The following DENND1B variants were observed in gnomAD, a reference collection of about 807,000 sequenced individuals.
The protein encoded by DENND1B is DENN domain containing 1B, also known as DENN domain-containing protein 1B.
A neutral mutation model predicts 90.1 loss-of-function variants in DENND1B; 59 were observed. The ratio of observed to expected loss-of-function variants is 0.65; its 90% CI spans 0.53 to 0.81. The LOEUF (loss-of-function observed/expected upper bound fraction) is 0.81, where lower values mean the gene tolerates loss of function less well. DENND1B is among the 40% of genes least tolerant of loss of function. The probability of loss-of-function intolerance (pLI) is 0.00; values close to 1 mark genes in which losing one functional copy is unlikely to be tolerated. For synonymous variants in DENND1B, 337 were observed against 324.6 expected (o/e 1.04, Z -0.41); for missense variants, 862 against 912.6 (o/e 0.94, Z 0.71).
chr1:197,756,987 TTA>T (rs768663083), intron 2 of DENND1B, among the ~76,000 whole-genome samples: 7 of 149,336 alleles, frequency 4.7e-5, no homozygotes, highest in Admixed American at 1.3e-4. Context: ...TTAAATATAT[TTA>T]TATATATATA....
In DENND1B at chr1:197,604,689, A is replaced by G. The variant is rs201564993; in HGVS notation, c.921+2384T>C. Among the ~76,000 whole-genome samples the G allele has an allele frequency of 1.1e-4, 16 of 151,370 alleles. No individual in the cohort carries two copies. The East Asian group carries it at 3.1e-3, about 30-fold the overall frequency. The stretch of plus-strand genomic sequence containing the variant: ...ACCTATTAAACAATCAAACAATACT[A>G]ATAGTAACATTTTTCAGGTTTCAAG... On this transcript the variant is annotated intron_variant, in intron 13 of 22. Transcript: ENST00000620048.
intron 3 of DENND1B, among the ~76,000 whole-genome samples, chr1:197,706,104 C>T (rs1442883045): frequency 1.3e-5 from 2 of 152,104 alleles, no homozygotes; most frequent in African/African-American, 4.8e-5. Context: ...TAAACACATA[C>T]TTTTATCAGC....
intron 6 of DENND1B, among the ~76,000 whole-genome samples, chr1:197,652,822 G>A (rs1653386197): frequency 6.6e-6 from 1 of 151,910 alleles, no homozygotes; most frequent in South Asian, 2.1e-4. Context: ...GTCACTACTT[G>A]ACCCACAATA....
rs1676759829 is a variant in DENND1B, at chr1:197,607,176, TA to T, written c.820-3del. 1 of 1,321,964 alleles carries T rather than the reference TA, an allele frequency of 7.6e-7. No individual in the cohort carries two copies. Among genetic ancestry groups the T allele is most frequent in the Admixed American group, 2.5e-5 (1 of 40,146 alleles). The allele number at this position is 1,321,964 out of a possible 1,614,324, so 81.9% of individuals were successfully genotyped here. ...TTCCAATGATTTGTTTTTCACTCTC[TA>T]TAAAAAAAACACAATTATGAATACA... On this transcript the variant is annotated splice_polypyrimidine_tract_variant and splice_region_variant and intron_variant, in intron 12 of 22. Transcript: ENST00000620048.
At chr1:197,774,735 AACGCT>A in intron 1 of DENND1B, 1 of 159,798 alleles carries the variant, frequency 6.3e-6, no homozygotes, top group Admixed American at 6.5e-5. Flanking sequence ...TCTTAACCTC[AACGCT>A]GACTCCCTCC....
intron 18 of DENND1B, 48 bp from the exon 19 acceptor site, chr1:197,541,063 ATT>A: frequency 6.6e-7 from 1 of 1,504,848 alleles, no homozygotes; most frequent in East Asian, 2.3e-5. Flanking sequence ...TTCCATTACC[ATT>A]TAAAGAATAA....
At chr1:197,763,516 A>G (rs1276162901) in intron 2 of DENND1B, among the ~76,000 whole-genome samples, 1 of 152,234 alleles carries the variant, frequency 6.6e-6, no homozygotes, top group East Asian at 1.9e-4. Flanking sequence ...CTGAGTAAAC[A>G]AAATTAAATG....
chr1:197,593,270 CATTCAGT>C (rs1206224660), intron 14 of DENND1B, among the ~76,000 whole-genome samples: 1 of 149,618 alleles, frequency 6.7e-6, no homozygotes, highest in African/African-American at 2.5e-5. Context: ...CATCTAAGTG[CATTCAGT>C]ATACATTAAA....
intron 4 of DENND1B, among the ~76,000 whole-genome samples, chr1:197,673,204 GA>G (rs1232709894): frequency 6.6e-6 from 1 of 151,534 alleles, no homozygotes; most frequent in Non-Finnish European, 1.5e-5. Context: ...TAGTGCCCAA[GA>G]TTCATAATAT....
At chr1:197,679,099 A>G (rs971336196) in intron 3 of DENND1B, among the ~76,000 whole-genome samples, 2 of 151,964 alleles carry the variant, frequency 1.3e-5, no homozygotes, top group Non-Finnish European at 2.9e-5. Context: ...AATTTATATT[A>G]TTAGAATATT....
intron 22 of DENND1B, 45 bp from the exon 23 acceptor site, chr1:197,511,017 C>A: frequency 7.0e-7 from 1 of 1,436,138 alleles, no homozygotes; most frequent in East Asian, 2.4e-5. Flanking sequence ...TTTTAATAAG[C>A]ATTAATTTAG....
In DENND1B at chr1:197,657,190, T is replaced by C. The variant is rs192788254; in HGVS notation, c.366+1110A>G. Among the ~76,000 whole-genome samples the C allele has an allele frequency of 5.1e-3, 769 of 152,242 alleles. 5 individuals are homozygous for C. Among genetic ancestry groups the C allele is most frequent in the Non-Finnish European group, 8.0e-3 (542 of 68,012 alleles). ...CATCTATCTAATAAGAAATGAATAT[T>C]TGAATATATGAAGGACTCTTACGAT... On this transcript the variant is annotated intron_variant, in intron 6 of 22. Coordinates refer to ENST00000620048, the MANE Select transcript of DENND1B (RefSeq NM_001195215.2).
intron 12 of DENND1B, among the ~76,000 whole-genome samples, chr1:197,608,476 A>G (rs1035320): frequency 0.98 from 147,497 of 150,556 alleles, 72,320 homozygotes; most frequent in South Asian, 1. Flanking sequence ...AAAGCTTTAA[A>G]TACATATATG....
chr1:197,578,981 T>C (rs1441612246), intron 15 of DENND1B, among the ~76,000 whole-genome samples: 1 of 152,190 alleles, frequency 6.6e-6, no homozygotes, highest in African/African-American at 2.4e-5. Flanking sequence ...CCAGGCTGGT[T>C]AGACCTCTTT....
At chr1:197,514,170 T>C (rs1668237905) in intron 20 of DENND1B, among the ~76,000 whole-genome samples, 1 of 151,690 alleles carries the variant, frequency 6.6e-6, no homozygotes, top group Non-Finnish European at 1.5e-5. Context: ...GGCTAAAGAA[T>C]TATGCTTTTC....
Position 197,546,702 on chromosome 1 carries a change from G to A in DENND1B, c.1281+31C>T, listed in dbSNP as rs372385728. The A allele has an allele frequency of 1.1e-5, 17 of 1,529,362 alleles. No homozygotes were observed. In the African/African-American group the frequency reaches 1.4e-4, roughly 12 times the overall value. 94.7% of individuals were successfully genotyped at this position (1,529,362 alleles called of 1,614,324 possible). On this transcript the variant is annotated intron_variant, in intron 17 of 22. Coordinates refer to ENST00000620048, the MANE Select transcript of DENND1B (RefSeq NM_001195215.2). ...AACATTTCTCCATTTATATTAGAGT[G>A]AAAGAATAACATTTGAAAGCTTATG... is the stretch of plus-strand genomic sequence containing the variant.
intron 12 of DENND1B, among the ~76,000 whole-genome samples, chr1:197,609,702 TA>T (rs11407728): frequency 0.026 from 3,850 of 146,228 alleles, 148 homozygotes; most frequent in African/African-American, 0.082. Context: ...TTTTCGCCAT[TA>T]AAAAAAAAAA....
intron 10 of DENND1B, among the ~76,000 whole-genome samples, chr1:197,632,964 A>G (rs1030791569): frequency 1.3e-5 from 2 of 152,208 alleles, no homozygotes; most frequent in Non-Finnish European, 2.9e-5. Context: ...TTGCATGCCT[A>G]AAGTAAAAGT....
chr1:197,529,266 GTGTATATGTATATATGTA>G (rs1669428516), intron 20 of DENND1B, among the ~76,000 whole-genome samples: 1 of 21,832 alleles, frequency 4.6e-5, no homozygotes, highest in Non-Finnish European at 1.1e-4. Flanking sequence ...GTGTGTGTGT[GTGTATATGTATATATGTA>G]TATATATGTA....
Sources: gnomAD v4.1 joint callset for allele counts (sites outside exome capture counted in the v4.1 genomes callset) on GRCh38, gnomAD v4.1.1 for gene constraint, MANE v1.5 for transcripts, NCBI Gene and HGNC (gene_info 2026-07-23, HGNC 2026-07-21) for gene names.